Variants in SPOPL observed in about 807,000 individuals in gnomAD.
The protein encoded by SPOPL is speckle type BTB/POZ protein like.
In SPOPL, 23 loss-of-function variants were observed where a neutral mutation model predicts 53.8. The observed-to-expected ratio is 0.43, with a 90% CI of 0.31 to 0.61. SPOPL has a LOEUF of 0.61. Among genes scored for constraint, SPOPL ranks in the 20% least tolerant of loss-of-function variants. SPOPL has a pLI of 0.12. For missense variants in SPOPL, 442 were observed against 466.9 expected (o/e 0.95, Z 0.49); for synonymous variants, 164 against 149.7 (o/e 1.10, Z -0.70).
At chr2:138,555,169 T>TGTGC (rs759402351) in intron 5 of SPOPL, among the ~76,000 whole-genome samples, 6 of 143,304 alleles carry the variant, frequency 4.2e-5, no homozygotes, top group Non-Finnish European at 7.5e-5. Context: ...TGTGTGTGTG[T>TGTGC]GCGAGCCAGA....
intron 1 of SPOPL, among the ~76,000 whole-genome samples, chr2:138,521,828 C>T (rs561058692): frequency 1.6e-4 from 24 of 152,038 alleles, no homozygotes; most frequent in Non-Finnish European, 2.6e-4. Context: ...TAAGACCCCC[C>T]AAAAAAGAAG....
rs1200811550 is a variant in SPOPL at position 138,560,831 on chromosome 2, C to T, written c.741C>T (p.Asp247=). ...KKNRVEINDL[D]PEVFKEMMRF... Reference sequence around the variant, plus strand: ...ATCGAGTGGAAATAAATGATTTAGACCCTGAAGTTTTTAAAGAAATGATGA... The same window carrying T: ...ATCGAGTGGAAATAAATGATTTAGATCCTGAAGTTTTTAAAGAAATGATGA... The change falls in exon 8 of 11, where the codon GAC becomes GAT. Residue 247 remains aspartate, a synonymous_variant. Coordinates refer to ENST00000280098, the MANE Select transcript of SPOPL (RefSeq NM_001001664.3). The T allele has an allele frequency of 1.2e-6, 2 of 1,605,586 alleles. No homozygotes were observed. Among genetic ancestry groups the T allele is most frequent in the Admixed American group, 1.7e-5 (1 of 58,918 alleles).
intron 1 of SPOPL, among the ~76,000 whole-genome samples, chr2:138,530,263 C>T (rs1684778318): frequency 2.0e-5 from 3 of 152,096 alleles, no homozygotes; most frequent in Admixed American, 2.0e-4. Flanking sequence ...AATAGTGCTG[C>T]AGTGAACATA....
At chr2:138,527,842 G>T (rs1441200352) in intron 1 of SPOPL, among the ~76,000 whole-genome samples, 1 of 139,734 alleles carries the variant, frequency 7.2e-6, no homozygotes, top group Non-Finnish European at 1.6e-5. Context: ...CCTCTTCCTT[G>T]AATGGGAAGG....
intron 4 of SPOPL, among the ~76,000 whole-genome samples, chr2:138,552,184 A>G (rs1043724534): frequency 7.9e-5 from 12 of 152,124 alleles, no homozygotes; most frequent in Non-Finnish European, 1.2e-4. Flanking sequence ...CCAGATTCTG[A>G]TATTAGATGA....
chr2:138,505,767 AAAT>A (rs1404796962), intron 1 of SPOPL, among the ~76,000 whole-genome samples: 4 of 151,912 alleles, frequency 2.6e-5, no homozygotes, highest in Non-Finnish European at 5.9e-5. Context: ...TCTCAAAATA[AAAT>A]AATAATAATT....
intron 1 of SPOPL, among the ~76,000 whole-genome samples, chr2:138,525,206 A>G (rs1337856363): frequency 6.6e-6 from 1 of 152,202 alleles, no homozygotes; most frequent in Non-Finnish European, 1.5e-5. Context: ...GTGGCAGACA[A>G]GAGAAGAGAG....
chr2:138,517,150 T>C (rs1169907430), intron 1 of SPOPL, among the ~76,000 whole-genome samples: 2 of 152,226 alleles, frequency 1.3e-5, no homozygotes, highest in African/African-American at 4.8e-5. Context: ...TTTACAGGCA[T>C]AATACGGGAA....
chr2:138,555,997 G>A (rs897645812), intron 5 of SPOPL, among the ~76,000 whole-genome samples: 3 of 152,048 alleles, frequency 2.0e-5, no homozygotes, highest in Non-Finnish European at 2.9e-5. Flanking sequence ...CTGCATTTGA[G>A]TATGTAATAG....
intron 1 of SPOPL, among the ~76,000 whole-genome samples, chr2:138,540,282 G>A (rs1035519426): frequency 1.6e-4 from 24 of 152,316 alleles, no homozygotes; most frequent in South Asian, 4.1e-4. Context: ...ATTCTGTGAA[G>A]AAAGTCATTG....
intron 1 of SPOPL, among the ~76,000 whole-genome samples, chr2:138,532,329 G>A (rs757333528): frequency 3.3e-5 from 5 of 151,616 alleles, no homozygotes; most frequent in African/African-American, 9.7e-5. Context: ...GTGGATTCTC[G>A]CTCTTGCATT....
chr2:138,567,371 T>TTG (rs1685683316), intron 10 of SPOPL, among the ~76,000 whole-genome samples: 1 of 109,492 alleles, frequency 9.1e-6, no homozygotes, highest in African/African-American at 3.4e-5. Flanking sequence ...AAGAGCAGTA[T>TTG]AGTGTGTGTG....
At chr2:138,545,735 G>A (rs898301070) in intron 1 of SPOPL, among the ~76,000 whole-genome samples, 19 of 152,036 alleles carry the variant, frequency 1.2e-4, no homozygotes, top group African/African-American at 1.2e-4. Flanking sequence ...CACCGCGCCC[G>A]GCCAGCTGTT....
rs1573908317 is a variant in SPOPL at position 138,561,026 on chromosome 2, A to T, written c.837+99A>T. On this transcript the variant is annotated intron_variant, in intron 8 of 10. Coordinates refer to ENST00000280098, the MANE Select transcript of SPOPL (RefSeq NM_001001664.3). ...AAACTCCAAATAACTCGTATTTTGT[A>T]GATGGCTCTTGAGAGCTTTATGAAA... 2.8e-6 allele frequency: 4 copies of T among 1,434,306 alleles called. No homozygotes were observed. In the African/African-American group the frequency reaches 5.9e-5, roughly 21 times the overall value. 88.8% of individuals were successfully genotyped at this position (1,434,306 alleles called of 1,614,324 possible).
Position 138,550,888 on chromosome 2 carries a change from A to G in SPOPL, c.201-15A>G, listed in dbSNP as rs771882397. 4 of 1,594,924 alleles carry G rather than the reference A, an allele frequency of 2.5e-6. No individual in the cohort carries two copies. The South Asian group carries it at 4.5e-5, about 18-fold the overall frequency. On this transcript the variant is annotated splice_polypyrimidine_tract_variant and intron_variant, in intron 3 of 10. Coordinates refer to ENST00000280098, the MANE Select transcript of SPOPL (RefSeq NM_001001664.3). ...GTATTATATTCCTCCATGTGAGCTT[A>G]TTGTTTTATTTTAGGTGCCTGAGGG...
rs566518071 is a variant in SPOPL at position 138,571,388 on chromosome 2, A to G, written c.*2308A>G. The stretch of plus-strand genomic sequence containing the variant: ...TATTGCAAATCTTAAGGATTTTATT[A>G]TAAAGATTTTTTTTTTAGTTTGGTA... On this transcript the variant is annotated 3_prime_UTR_variant, in exon 11 of 11. Coordinates refer to ENST00000280098, the MANE Select transcript of SPOPL (RefSeq NM_001001664.3). The G allele has an allele frequency of 1.3e-5, 2 of 152,628 alleles. No individual in the cohort carries two copies. The highest frequency in any genetic ancestry group is 2.1e-4 in the South Asian group (1 of 4,826). The allele number at this position is 152,628 out of a possible 1,614,324, so 9.5% of individuals were successfully genotyped here.
At chr2:138,536,959 C>T (rs537329995) in intron 1 of SPOPL, among the ~76,000 whole-genome samples, 1 of 152,282 alleles carries the variant, frequency 6.6e-6, no homozygotes, top group Non-Finnish European at 1.5e-5. Flanking sequence ...CTCAGTTCTT[C>T]TTATCTTCAC....
At chr2:138,516,047 TAAA>T (rs978355446) in intron 1 of SPOPL, among the ~76,000 whole-genome samples, 3 of 151,978 alleles carry the variant, frequency 2.0e-5, no homozygotes, top group Admixed American at 1.3e-4. Flanking sequence ...GGCAATTAGC[TAAA>T]AAACAAAAAA....
chr2:138,515,518 A>T (rs1320968593), intron 1 of SPOPL, among the ~76,000 whole-genome samples: 5 of 152,096 alleles, frequency 3.3e-5, no homozygotes, highest in Non-Finnish European at 7.4e-5. Flanking sequence ...TTATTTGTGG[A>T]GTTTTTCTTT....
Sources: allele counts gnomAD v4.1 joint callset (sites outside exome capture counted in the v4.1 genomes callset), GRCh38; gene constraint gnomAD v4.1.1; transcripts MANE v1.5; gene names NCBI Gene and HGNC (gene_info 2026-07-23, HGNC 2026-07-21).